The following VPS13A variants were observed in gnomAD, a reference collection of about 807,000 sequenced individuals.
VPS13A encodes the protein intermembrane lipid transfer protein VPS13A.
VPS13A carries 264 observed loss-of-function variants against 390.9 expected under a neutral mutation model. That is an observed-to-expected ratio of 0.68 (90% CI 0.61 to 0.75). VPS13A has a LOEUF of 0.75. Ranked by LOEUF, VPS13A falls within the 30% of genes least tolerant of loss-of-function variation. The pLI, the probability that VPS13A is intolerant of heterozygous loss-of-function variation, is 0.00. For synonymous variants in VPS13A, 1,231 were observed against 1,227.1 expected, an observed-to-expected ratio of 1.00 and a Z score of -0.07; for missense variants, 3,409 against 3,733.9, an observed-to-expected ratio of 0.91 and a Z score of 2.27.
intron 32 of VPS13A, among the ~76,000 whole-genome samples, chr9:77,294,663 C>G (rs1166705401): frequency 6.6e-6 from 1 of 152,078 alleles, no homozygotes; most frequent in African/African-American, 2.4e-5. Context: ...ATTTTGTACA[C>G]AAAAATGTAA....
At chr9:77,253,563 C>G (rs530895768) in intron 22 of VPS13A, among the ~76,000 whole-genome samples, 2 of 152,266 alleles carry the variant, frequency 1.3e-5, no homozygotes, top group South Asian at 4.1e-4. Flanking sequence ...CCTCAGCCTC[C>G]CAAAGTGCTG....
intron 45 of VPS13A, among the ~76,000 whole-genome samples, chr9:77,327,767 A>G (rs1830085188): frequency 6.6e-6 from 1 of 152,096 alleles, no homozygotes; most frequent in Admixed American, 6.6e-5. Context: ...TCACCTCTTC[A>G]GGCTCCAATT....
At chr9:77,181,445 G>A in intron 1 of VPS13A, among the ~76,000 whole-genome samples, 1 of 151,086 alleles carries the variant, frequency 6.6e-6, no homozygotes, top group Admixed American at 6.6e-5. Context: ...GAAGCTGGGA[G>A]GCATAGGTTG....
chr9:77,348,938 A>G (rs537993705), intron 52 of VPS13A, among the ~76,000 whole-genome samples: 1 of 152,208 alleles, frequency 6.6e-6, no homozygotes, highest in African/African-American at 2.4e-5. Flanking sequence ...TTTTAAACCA[A>G]ATTTATTTGA....
chr9:77,178,397 T>G (rs996622782), intron 1 of VPS13A, among the ~76,000 whole-genome samples: 3 of 152,242 alleles, frequency 2.0e-5, no homozygotes, highest in African/African-American at 7.2e-5. Context: ...CGGCTCTCTC[T>G]CGCCTGGGTT....
intron 23 of VPS13A, among the ~76,000 whole-genome samples, chr9:77,267,145 C>T (rs553433617): frequency 5.9e-5 from 9 of 152,152 alleles, no homozygotes; most frequent in African/African-American, 2.2e-4. Flanking sequence ...TATTACCCAC[C>T]TTCTGAAGCC....
chr9:77,224,386 C>T (rs1227693452), intron 13 of VPS13A, among the ~76,000 whole-genome samples: 1 of 152,114 alleles, frequency 6.6e-6, no homozygotes, highest in Non-Finnish European at 1.5e-5. Context: ...AATTGAAAAC[C>T]CTCTGGAAAG....
intron 22 of VPS13A, among the ~76,000 whole-genome samples, chr9:77,258,536 G>A (rs183460432): frequency 5.7e-4 from 87 of 152,156 alleles, no homozygotes; most frequent in Non-Finnish European, 1.0e-4. Flanking sequence ...GAAAATCAAA[G>A]CATGCACTGA....
At chr9:77,269,635 C>G (rs1231431785) in intron 23 of VPS13A, among the ~76,000 whole-genome samples, 1 of 152,178 alleles carries the variant, frequency 6.6e-6, no homozygotes, top group African/African-American at 2.4e-5. Context: ...TTGAGTCTTT[C>G]AGTTCATTAA....
chr9:77,207,213 T>TTATATATATA (rs61703004), intron 5 of VPS13A, among the ~76,000 whole-genome samples: 1,231 of 42,870 alleles, frequency 0.029, 60 homozygotes, highest in Middle Eastern at 0.078. Context: ...TATTTAGATA[T>TTATATATATA]TATATATATA....
At chr9:77,363,677 C>T (rs1364655978) in intron 59 of VPS13A, among the ~76,000 whole-genome samples, 1 of 152,068 alleles carries the variant, frequency 6.6e-6, no homozygotes, top group African/African-American at 2.4e-5. Context: ...CTGATTTTCT[C>T]CTGCAAACTA....
At chr9:77,375,083 A>G (rs1048888113) in intron 67 of VPS13A, among the ~76,000 whole-genome samples, 1 of 152,200 alleles carries the variant, frequency 6.6e-6, no homozygotes, top group Non-Finnish European at 1.5e-5. Flanking sequence ...AGTCGTAGTC[A>G]TCAGAGAAGC....
intron 45 of VPS13A, among the ~76,000 whole-genome samples, chr9:77,327,775 A>G (rs1830086185): frequency 6.6e-6 from 1 of 152,106 alleles, no homozygotes; most frequent in African/African-American, 2.4e-5. Flanking sequence ...TCAGGCTCCA[A>G]TTCTAATTCT....
chr9:77,322,969 A>C, intron 44 of VPS13A, 98 bp from the exon 45 acceptor site: 2 of 967,720 alleles, frequency 2.1e-6, no homozygotes, highest in Non-Finnish European at 3.1e-6. Context: ...ATTATTTATA[A>C]GTTTAAGAAT....
At chr9:77,320,664 G>A (rs961082548) in intron 42 of VPS13A, among the ~76,000 whole-genome samples, 3 of 152,016 alleles carry the variant, frequency 2.0e-5, no homozygotes, top group Non-Finnish European at 4.4e-5. Flanking sequence ...TTCCTTGGTG[G>A]TTTTTAGGTT....
At chr9:77,363,647 ACTC>A (rs574973359) in intron 59 of VPS13A, among the ~76,000 whole-genome samples, 7 of 150,012 alleles carry the variant, frequency 4.7e-5, no homozygotes, top group Non-Finnish European at 8.9e-5. Context: ...CCTCAGGAAA[ACTC>A]CTATTTGTCA....
intron 67 of VPS13A, among the ~76,000 whole-genome samples, chr9:77,372,031 T>C (rs1832801822): frequency 6.7e-6 from 1 of 149,848 alleles, no homozygotes; most frequent in South Asian, 2.1e-4. Flanking sequence ...TGTGCCACGT[T>C]TTCTTAATCC....
Position 77,339,594 on chromosome 9 carries a change from C to A in VPS13A, c.6457C>A (p.Leu2153Ile). The stretch of plus-strand genomic sequence containing the variant: ...TACTGCACAGTTGGGTAAAGCCAGG[C>A]TACATTTAAAATTACTTGACTATCT... ...ICTAQLGKAR[L>I]HLKLLDYLNH... The change falls in exon 48 of 72, where the codon CTA becomes ATA. Residue 2153 changes from leucine to isoleucine, a missense_variant. By Grantham distance (5) the Leu-to-Ile change is conservative (BLOSUM62 2). Coordinates refer to ENST00000360280, the MANE Select transcript of VPS13A (RefSeq NM_033305.3). 6.2e-7 allele frequency: 1 copy of A among 1,606,928 alleles called. No homozygotes were observed. Among genetic ancestry groups the A allele is most frequent in the Non-Finnish European group, 8.5e-7 (1 of 1,176,206 alleles).
At chr9:77,389,330 CAG>C (rs1259297572) in intron 68 of VPS13A, among the ~76,000 whole-genome samples, 8 of 137,476 alleles carry the variant, frequency 5.8e-5, no homozygotes, top group African/African-American at 1.4e-4. Flanking sequence ...TTTTTTGAGA[CAG>C]AGTTTCACTC....
Sources: allele counts gnomAD v4.1 joint callset (sites outside exome capture counted in the v4.1 genomes callset), GRCh38; gene constraint gnomAD v4.1.1; transcripts MANE v1.5; gene names NCBI Gene and HGNC (gene_info 2026-07-23, HGNC 2026-07-21).